Variants in MRTFA observed in about 807,000 individuals in gnomAD.
The protein encoded by MRTFA is myocardin-related transcription factor A.
In MRTFA, 20 loss-of-function variants were observed where a neutral mutation model predicts 83.5. The ratio of observed to expected loss-of-function variants is 0.24; its 90% CI spans 0.17 to 0.35. The LOEUF is 0.35. MRTFA is among the 10% of genes least tolerant of loss of function. The pLI is 1.00. For synonymous variants in MRTFA, 659 were observed against 541.2 expected, an observed-to-expected ratio of 1.22 and a Z score of -3.02; for missense variants, 1,200 against 1,224.7, an observed-to-expected ratio of 0.98 and a Z score of 0.30.
intron 3 of MRTFA, among the ~76,000 whole-genome samples, chr22:40,485,029 G>A (rs949856028): frequency 1.3e-5 from 2 of 149,562 alleles, no homozygotes; most frequent in Non-Finnish European, 3.0e-5. Context: ...AGGAGATTGC[G>A]CCACTGCACT....
intron 3 of MRTFA, among the ~76,000 whole-genome samples, chr22:40,550,716 A>AAT (rs1320748625): frequency 2.0e-5 from 3 of 152,220 alleles, no homozygotes; most frequent in Non-Finnish European, 2.9e-5. Context: ...TAATACAGAC[A>AAT]TATTTGGCAA....
chr22:40,463,496 A>C (rs2147153879), intron 3 of MRTFA: 1 of 535,708 alleles, frequency 1.9e-6, no homozygotes, highest in Non-Finnish European at 3.4e-6. Context: ...GGAAGTTGCG[A>C]AGGGTCTTGC....
At position 40,424,239 on chromosome 22, in the gene MRTFA, T is replaced by C. The variant is rs1353404359; in HGVS notation, c.744A>G (p.Pro248=). Residue 248 remains proline (P), a synonymous_variant, in exon 8 of 15, where the codon CCA becomes CCG. Transcript: ENST00000355630. ...GGGATGCAGAGGTGGCACTGAGCAG[T>C]GGTTCGCTGACTCGGGCCTCCAGGG... 1 of 1,605,880 alleles carries C rather than the reference T, an allele frequency of 6.2e-7. No individual in the cohort carries two copies. Among genetic ancestry groups the C allele is most frequent in the Non-Finnish European group, 8.5e-7 (1 of 1,177,434 alleles).
In MRTFA at chr22:40,416,913, A is replaced by C. The variant is rs1262608373; in HGVS notation, c.2578+73T>G. On this transcript the variant is annotated intron_variant, in intron 14 of 14. Transcript: ENST00000355630. The surrounding 1 kb of genome is among the most constrained non-coding windows in gnomAD (Gnocchi z 4.2). ...ACGCACGGAAGCATTCAATAAAAAC[A>C]AACCAACCCAGGGCTAGAGACACCT... 1.2e-5 allele frequency: 18 copies of C among 1,446,646 alleles called. No individual in the cohort carries two copies. The highest frequency in any genetic ancestry group is 3.8e-5 in the South Asian group (3 of 79,484). The allele number at this position is 1,446,646 out of a possible 1,614,324, so 89.6% of individuals were successfully genotyped here.
At chr22:40,454,473 T>C (rs1244034567) in intron 4 of MRTFA, among the ~76,000 whole-genome samples, 2 of 152,242 alleles carry the variant, frequency 1.3e-5, no homozygotes, top group South Asian at 4.1e-4. Flanking sequence ...TGTGTGTGTG[T>C]GTATATTAAA....
Position 40,618,292 on chromosome 22 carries a change from G to T in MRTFA, c.-84+18186C>A, listed in dbSNP as rs1224641109. Among the ~76,000 whole-genome samples the T allele has an allele frequency of 4.2e-5, 6 of 142,726 alleles. No individual in the cohort carries two copies. In the Admixed American group the frequency reaches 4.4e-4, roughly 10 times the overall value. The allele number at this position is 142,726 out of a possible 152,430, so 93.6% of individuals were successfully genotyped here. A position where few individuals can be genotyped will look rare whatever the true frequency, so the allele number is the denominator to read the frequency against. The stretch of plus-strand genomic sequence containing the variant: ...TTTTTAGTAGAGATGGGGTTTCACC[G>T]TGTTAGCCAGGGTGGTCTCAATCTC... On this transcript the variant is annotated intron_variant, in intron 1 of 14. Transcript: ENST00000355630.
chr22:40,428,868 T>C (rs909699804), intron 7 of MRTFA, among the ~76,000 whole-genome samples: 6 of 152,160 alleles, frequency 3.9e-5, no homozygotes, highest in African/African-American at 1.4e-4. Context: ...TTGTTCTCCC[T>C]GCCTGGAGCA....
chr22:40,480,602 TA>T (rs769683692), intron 3 of MRTFA, among the ~76,000 whole-genome samples: 2 of 152,150 alleles, frequency 1.3e-5, no homozygotes, highest in Non-Finnish European at 2.9e-5. Context: ...GCTTATGTTC[TA>T]ATTCCAAAAG....
At chr22:40,508,643 C>A (rs2054619242) in intron 3 of MRTFA, among the ~76,000 whole-genome samples, 1 of 148,036 alleles carries the variant, frequency 6.8e-6, no homozygotes, top group Non-Finnish European at 1.5e-5. Context: ...TTGGAAGTTT[C>A]TTTAAGGTGG....
At chr22:40,449,622 T>A (rs1438581102) in intron 4 of MRTFA, among the ~76,000 whole-genome samples, 2 of 152,192 alleles carry the variant, frequency 1.3e-5, no homozygotes, top group African/African-American at 2.4e-5. Flanking sequence ...AAAGAAGAGG[T>A]GAGAAAGTAA....
At chr22:40,457,446 G>GAAAGAAAT (rs1438265131) in intron 4 of MRTFA, among the ~76,000 whole-genome samples, 2 of 127,900 alleles carry the variant, frequency 1.6e-5, no homozygotes, top group East Asian at 4.6e-4. Flanking sequence ...GAGAAAGAAA[G>GAAAGAAAT]AAAGAAAGAA....
At chr22:40,588,033 T>TC (rs2056058352) in intron 2 of MRTFA, 1 of 179,078 alleles carries the variant, frequency 5.6e-6, no homozygotes, top group South Asian at 1.4e-4. Context: ...CAACATTTTT[T>TC]TTTTTTTTTT....
At chr22:40,423,487 T>G in intron 9 of MRTFA, 49 bp downstream of exon 9, 1 of 1,406,170 alleles carries the variant, frequency 7.1e-7, no homozygotes, top group Non-Finnish European at 9.4e-7. Context: ...ACAGCAGGAC[T>G]CCAAAGGGCA....
chr22:40,548,164 G>A (rs755340867), intron 3 of MRTFA, among the ~76,000 whole-genome samples: 1 of 151,792 alleles, frequency 6.6e-6, no homozygotes, highest in Non-Finnish European at 1.5e-5. Context: ...TTCGAGACCT[G>A]CCTGGCCAAC....
chr22:40,520,179 T>A (rs986038774), intron 3 of MRTFA, among the ~76,000 whole-genome samples: 1 of 152,196 alleles, frequency 6.6e-6, no homozygotes, highest in African/African-American at 2.4e-5. Context: ...TCACACAATT[T>A]AAAAAATTGA....
At chr22:40,411,966 C>G in intron 14 of MRTFA, 59 bp from the exon 15 acceptor site, 2 of 1,373,406 alleles carry the variant, frequency 1.5e-6, no homozygotes, top group South Asian at 4.2e-5. Context: ...TATCTACATG[C>G]AAAAGAATGA....
intron 1 of MRTFA, among the ~76,000 whole-genome samples, chr22:40,615,461 T>C (rs895700123): frequency 1.3e-5 from 2 of 152,184 alleles, no homozygotes; most frequent in Non-Finnish European, 2.9e-5. Context: ...TCCCTTGTAT[T>C]TCCATGTGAA....
In MRTFA at chr22:40,584,175, T is replaced by C. The variant is rs12160827; in HGVS notation, c.-22+10499A>G. ...AGGTCTCAAAACCTTGTCAAAAACA[T>C]GATAGAATTTCTGAATTTTAGGATT... is the stretch of plus-strand genomic sequence containing the variant. On this transcript the variant is annotated intron_variant, in intron 2 of 14. Transcript: ENST00000355630. Among the ~76,000 whole-genome samples, 1,259 of 152,240 alleles carry C rather than the reference T, an allele frequency of 8.3e-3. 28 individuals are homozygous for C. Among genetic ancestry groups the C allele is most frequent in the Middle Eastern group, 0.075 (22 of 294 alleles).
At chr22:40,549,641 G>T (rs1039201258) in intron 3 of MRTFA, among the ~76,000 whole-genome samples, 1 of 152,180 alleles carries the variant, frequency 6.6e-6, no homozygotes, top group African/African-American at 2.4e-5. Flanking sequence ...TTACTAACAG[G>T]TGTACTCACT....
Sources: allele counts gnomAD v4.1 joint callset (sites outside exome capture counted in the v4.1 genomes callset), GRCh38; gene constraint gnomAD v4.1.1; non-coding constraint Gnocchi (gnomAD v3.1); transcripts MANE v1.5; gene names NCBI Gene and HGNC (gene_info 2026-07-23, HGNC 2026-07-21).